The following IDE variants were observed in gnomAD, a reference collection of about 807,000 sequenced individuals.
The protein encoded by IDE is insulin-degrading enzyme.
Under a neutral mutation model 133.2 loss-of-function variants are expected in IDE, and 58 were observed. The observed-to-expected ratio is 0.44, with a 90% CI of 0.35 to 0.54. The LOEUF is 0.54. IDE is among the 20% of genes least tolerant of loss of function. IDE has a pLI of 0.00. For missense variants in IDE, 981 were observed against 1,234.0 expected (o/e 0.79, Z 3.07); for synonymous variants, 396 against 421.3 (o/e 0.94, Z 0.73).
chr10:92,544,444 CAAAAAGAAA>C lies in IDE; in HGVS notation c.99-6903_99-6895del, dbSNP rs1299795086. On this transcript the variant is annotated intron_variant, in intron 1 of 24. Transcript: ENST00000265986. ...CAGTGCTTGCATACTAAAGTATAAC[CAAAAAGAAA>C]AAAAAGAAAAGATAAGTGGTTAAGT... is the stretch of plus-strand genomic sequence containing the variant. 9.9e-5 allele frequency among the ~76,000 whole-genome samples: 15 copies of C among 151,738 alleles called. No homozygotes were observed. In the East Asian group the frequency reaches 2.3e-3, roughly 23 times the overall value.
At chr10:92,553,883 C>A (rs1251326420) in intron 1 of IDE, among the ~76,000 whole-genome samples, 2 of 152,222 alleles carry the variant, frequency 1.3e-5, no homozygotes, top group African/African-American at 4.8e-5. Flanking sequence ...GGCTTTCCTG[C>A]TGAATTCTAC....
intron 11 of IDE, among the ~76,000 whole-genome samples, chr10:92,492,456 A>G (rs1351561403): frequency 6.6e-6 from 1 of 152,100 alleles, no homozygotes; most frequent in Non-Finnish European, 1.5e-5. Flanking sequence ...AGTTGGAATC[A>G]CTACACCCTC....
Position 92,558,240 on chromosome 10 carries a change from G to A in IDE, c.98+15682C>T, listed in dbSNP as rs187456043. On this transcript the variant is annotated intron_variant, in intron 1 of 24. Coordinates refer to ENST00000265986, the MANE Select transcript of IDE (RefSeq NM_004969.4). Reference sequence around the variant, plus strand: ...GCTAATTTTTGGTATTTTTAGTACAGACAGGGTTTCACCATGTTAGCCAGG... The same window carrying A: ...GCTAATTTTTGGTATTTTTAGTACAAACAGGGTTTCACCATGTTAGCCAGG... 3.5e-4 allele frequency among the ~76,000 whole-genome samples: 54 copies of A among 152,214 alleles called. No individual in the cohort carries two copies. The East Asian group carries it at 9.9e-3, about 28-fold the overall frequency.
intron 1 of IDE, among the ~76,000 whole-genome samples, chr10:92,571,561 G>T (rs773042348): frequency 2.0e-5 from 3 of 152,144 alleles, no homozygotes; most frequent in African/African-American, 4.8e-5. Context: ...CCAGGGAATG[G>T]GCTATTATCT....
At chr10:92,499,265 C>T (rs1163021791) in intron 11 of IDE, among the ~76,000 whole-genome samples, 2 of 151,804 alleles carry the variant, frequency 1.3e-5, no homozygotes, top group African/African-American at 4.8e-5. Context: ...CTCACTGCAA[C>T]CTCCGGCCCC....
At chr10:92,562,758 GA>G (rs1295963450) in intron 1 of IDE, among the ~76,000 whole-genome samples, 3 of 151,612 alleles carry the variant, frequency 2.0e-5, no homozygotes, top group African/African-American at 7.3e-5. Context: ...ACTCAAGAAA[GA>G]AAAAAAAGAA....
In IDE at chr10:92,508,754, C is replaced by T. The variant is rs777326950; in HGVS notation, c.1034G>A (p.Ser345Asn). 6.2e-7 allele frequency: 1 copy of T among 1,614,060 alleles called. No homozygotes were observed. The highest frequency in any genetic ancestry group is 8.5e-7 in the Non-Finnish European group (1 of 1,179,988). ...GHLIGHEGPG[S>N]LLSELKSKGW... ...CTTTGACTTAAGTTCTGATAACAGA[C>T]TTCCAGGACCTTCATGCCCAATGAG... The change falls in exon 7 of 25, where the codon AGT becomes AAT. Residue 345 changes from serine to asparagine, a missense_variant. Around this residue, in one of 2 missense-constraint regions of IDE, gnomAD observed 660 missense variants for 894.7 expected, o/e 0.74. Transcript: ENST00000265986.
chr10:92,504,914 T>C lies in IDE; in HGVS notation c.1327-17A>G. On this transcript the variant is annotated splice_polypyrimidine_tract_variant and intron_variant, in intron 10 of 24. Transcript: ENST00000265986. ...GGGATAATACTTTTAAAAAGGAAAA[T>C]ATAAATAAATAAAATATACAAAGCT... 8.7e-7 allele frequency: 1 copy of C among 1,146,630 alleles called. No individual in the cohort carries two copies. The highest frequency in any genetic ancestry group is 1.3e-6 in the Non-Finnish European group (1 of 793,662). 71.0% of individuals were successfully genotyped at this position (1,146,630 alleles called of 1,614,324 possible).
intron 11 of IDE, among the ~76,000 whole-genome samples, chr10:92,491,869 C>G (rs1847371221): frequency 6.6e-6 from 1 of 152,132 alleles, no homozygotes; most frequent in Non-Finnish European, 1.5e-5. Context: ...CCTCAGCCTC[C>G]CAAAGTGCTG....
At chr10:92,520,133 C>T (rs1849144149) in intron 4 of IDE, among the ~76,000 whole-genome samples, 1 of 152,110 alleles carries the variant, frequency 6.6e-6, no homozygotes. Flanking sequence ...CATGTTAAGG[C>T]TCAGCATAGC....
rs1312147883 is a variant in IDE, at chr10:92,465,841, C to T, written c.2323G>A (p.Gly775Arg). The T allele has an allele frequency of 3.7e-6, 6 of 1,613,844 alleles. No individual in the cohort carries two copies. The Admixed American group carries it at 1.0e-4, about 27-fold the overall frequency. ...TTTCTCTGCTGATAAACAAACCATCCTCCTAGGAAGTTTCAAAAAGACAGC... is the reference window on the plus strand; with the variant it reads ...TTTCTCTGCTGATAAACAAACCATCTTCCTAGGAAGTTTCAAAAAGACAGC... ...RYREVQLPDR[G>R]WFVYQQRNEV... Residue 775 changes from glycine (G) to arginine (R), a missense_variant and splice_region_variant, in exon 20 of 25, where the codon GGA (glycine) becomes AGA (arginine). This residue lies in a region of IDE where 660 missense variants were observed against 894.7 expected (regional missense o/e 0.74). Coordinates refer to ENST00000265986, the MANE Select transcript of IDE (RefSeq NM_004969.4).
chr10:92,497,736 A>G (rs1847791315), intron 11 of IDE: 3 of 982,444 alleles, frequency 3.1e-6, no homozygotes, highest in East Asian at 1.1e-4. Flanking sequence ...TGCACCATGT[A>G]TCACTGACCT....
chr10:92,510,236 G>A (rs1848512562), intron 5 of IDE, 74 bp from the exon 6 acceptor site: 1 of 739,402 alleles, frequency 1.4e-6, no homozygotes, highest in African/African-American at 1.8e-5. Flanking sequence ...TAAAATCTTA[G>A]GATCTCCTGA....
intron 7 of IDE, 57 bp downstream of exon 7, chr10:92,508,671 A>G (rs1848432163): frequency 2.7e-6 from 4 of 1,507,122 alleles, no homozygotes; most frequent in Non-Finnish European, 3.7e-6. Flanking sequence ...GGAGAAAATG[A>G]GAGCCAGAGT....
At chr10:92,562,914 T>A (rs1589549218) in intron 1 of IDE, among the ~76,000 whole-genome samples, 1 of 150,662 alleles carries the variant, frequency 6.6e-6, no homozygotes, top group Admixed American at 6.6e-5. Flanking sequence ...CCAAGGCGGG[T>A]GGATCATCTG....
chr10:92,456,868 A>G (rs975775613), intron 22 of IDE, among the ~76,000 whole-genome samples: 8 of 147,728 alleles, frequency 5.4e-5, no homozygotes, highest in South Asian at 2.1e-4. Context: ...AAAAAAAAAA[A>G]AAAAAGAAAA....
Position 92,483,265 on chromosome 10 carries a change from CAA to C in IDE, c.1727_1728del (p.Phe576Ter). The C allele has an allele frequency of 1.9e-6, 3 of 1,583,328 alleles. No homozygotes were observed. Among genetic ancestry groups the C allele is most frequent in the Non-Finnish European group, 2.6e-6 (3 of 1,152,240 alleles). ...ATTCATCTTACATACCTGAAAAATT[CAA>C]AGTTGAGACAAGCCTTCGGCAAAAA... The part of the protein sequence containing the change: ...KFFLPKACLN[F>X]EFFSPFAYVD... On this transcript the variant is annotated frameshift_variant, in exon 14 of 25. Transcript: ENST00000265986. LOFTEE classifies it high-confidence loss of function.
At chr10:92,560,586 G>A (rs776467528) in intron 1 of IDE, among the ~76,000 whole-genome samples, 12 of 151,160 alleles carry the variant, frequency 7.9e-5, no homozygotes, top group Admixed American at 5.9e-4. Flanking sequence ...AGTTCAAGAC[G>A]AGCCTGTTCA....
intron 6 of IDE, 55 bp downstream of exon 6, chr10:92,509,995 G>A: frequency 1.3e-6 from 1 of 791,366 alleles, no homozygotes; most frequent in Non-Finnish European, 2.1e-6. Context: ...GGTAAACTAG[G>A]TATATATTAT....
Sources: gnomAD v4.1 joint callset for allele counts (sites outside exome capture counted in the v4.1 genomes callset) on GRCh38, gnomAD v4.1.1 for gene constraint, gnomAD v4.1.1 regional missense constraint, MANE v1.5 for transcripts, NCBI Gene and HGNC (gene_info 2026-07-23, HGNC 2026-07-21) for gene names.